BANK1: variants seen among roughly 807,000 people sequenced by gnomAD.
The protein encoded by BANK1 is B cell scaffold protein with ankyrin repeats 1.
Under a neutral mutation model 94.5 loss-of-function variants are expected in BANK1, and 95 were observed. That is an observed-to-expected ratio of 1.00 (90% CI 0.85 to 1.19). The LOEUF (loss-of-function observed/expected upper bound fraction) is 1.19, where lower values mean the gene tolerates loss of function less well. Among genes scored for constraint, BANK1 ranks in the 50% most tolerant of loss-of-function variants. The pLI, the probability that BANK1 is intolerant of heterozygous loss-of-function variation, is 0.00. For synonymous variants in BANK1, 334 were observed against 308.4 expected, an observed-to-expected ratio of 1.08 and a Z score of -0.87; for missense variants, 987 against 932.2, an observed-to-expected ratio of 1.06 and a Z score of -0.77.
chr4:101,807,830 C>G (rs1477697102), intron 1 of BANK1, among the ~76,000 whole-genome samples: 1 of 152,040 alleles, frequency 6.6e-6, no homozygotes, highest in African/African-American at 2.4e-5. Flanking sequence ...CCTGTAATCC[C>G]AGCAGTTTGG....
intron 5 of BANK1, among the ~76,000 whole-genome samples, chr4:101,883,586 G>A (rs1728750654): frequency 1.3e-5 from 2 of 152,048 alleles, no homozygotes; most frequent in African/African-American, 4.8e-5. Context: ...TGCTTCTTAT[G>A]TGGCCCTGTC....
At chr4:101,955,715 C>A (rs988174095) in intron 7 of BANK1, among the ~76,000 whole-genome samples, 1 of 152,040 alleles carries the variant, frequency 6.6e-6, no homozygotes. Flanking sequence ...TTGTAAAATT[C>A]TCCAAAAGTC....
chr4:102,002,551 A>G (rs1726113572), intron 7 of BANK1, among the ~76,000 whole-genome samples: 1 of 104,630 alleles, frequency 9.6e-6, no homozygotes, highest in Non-Finnish European at 1.9e-5. Context: ...AAATACACAC[A>G]CACACACACA....
intron 1 of BANK1, among the ~76,000 whole-genome samples, chr4:101,792,544 T>A (rs1725032403): frequency 6.6e-6 from 1 of 151,310 alleles, no homozygotes; most frequent in Non-Finnish European, 1.5e-5. Flanking sequence ...GGTCAATTGG[T>A]CCAACTGCCT....
chr4:101,818,778 G>C (rs1239511714), intron 1 of BANK1, among the ~76,000 whole-genome samples: 1 of 151,652 alleles, frequency 6.6e-6, no homozygotes, highest in Non-Finnish European at 1.5e-5. Context: ...TAGCAAAAAA[G>C]CTTAGTATAT....
chr4:102,040,879 A>G (rs1460582286), intron 10 of BANK1, among the ~76,000 whole-genome samples: 1 of 152,056 alleles, frequency 6.6e-6, no homozygotes, highest in Non-Finnish European at 1.5e-5. Context: ...TTGGCAAGAA[A>G]ATAAAGGCCA....
intron 7 of BANK1, among the ~76,000 whole-genome samples, chr4:102,007,069 T>A (rs1375503932): frequency 1.0e-5 from 1 of 97,368 alleles, no homozygotes; most frequent in African/African-American, 3.5e-5. Context: ...TATATAATTT[T>A]ATATATATAT....
chr4:102,058,648 G>A (rs1009822325), intron 11 of BANK1, among the ~76,000 whole-genome samples: 8 of 150,836 alleles, frequency 5.3e-5, no homozygotes, highest in Non-Finnish European at 1.2e-4. Context: ...TTTCTTTGCA[G>A]CTTCTCATGC....
chr4:102,066,728 A>C (rs921259035), intron 13 of BANK1, among the ~76,000 whole-genome samples: 12 of 152,244 alleles, frequency 7.9e-5, no homozygotes, highest in Non-Finnish European at 4.4e-5. Context: ...GATATTAACA[A>C]ACTCAGATTC....
In BANK1 at chr4:101,867,176, T is replaced by TA. The variant is rs754806525; in HGVS notation, c.764-3309dup. Among the ~76,000 whole-genome samples, 178 of 33,372 alleles carry TA rather than the reference T, an allele frequency of 5.3e-3. 21 individuals are homozygous for TA. Among genetic ancestry groups the TA allele is most frequent in the South Asian group, 7.4e-3 (10 of 1,350 alleles). The allele number at this position is 33,372 out of a possible 152,430, so 21.9% of individuals were successfully genotyped here. On this transcript the variant is annotated intron_variant, in intron 4 of 16. Coordinates refer to ENST00000322953, the MANE Select transcript of BANK1 (RefSeq NM_017935.5). ...AACTTAGAGTATAATAAAAAAAATTTAAAAAAAAAAAAAAAAAAAAGAATT... is the reference window on the plus strand; with the variant it reads ...AACTTAGAGTATAATAAAAAAAATTTAAAAAAAAAAAAAAAAAAAAAGAATT...
At chr4:101,800,655 GAGA>G (rs1481038072) in intron 1 of BANK1, among the ~76,000 whole-genome samples, 2 of 152,182 alleles carry the variant, frequency 1.3e-5, no homozygotes. Flanking sequence ...GTGAATCTAA[GAGA>G]CTGACTATTG....
chr4:101,965,319 T>C (rs1203513087), intron 7 of BANK1, among the ~76,000 whole-genome samples: 1 of 144,204 alleles, frequency 6.9e-6, no homozygotes, highest in Non-Finnish European at 1.5e-5. Context: ...GCAATATGTC[T>C]GCATTTATAA....
At chr4:102,013,304 T>G (rs1726571923) in intron 7 of BANK1, among the ~76,000 whole-genome samples, 1 of 152,158 alleles carries the variant, frequency 6.6e-6, no homozygotes, top group African/African-American at 2.4e-5. Flanking sequence ...GCTCCTGGAA[T>G]GAAACACCCT....
chr4:101,950,436 T>C (rs1372660405), intron 7 of BANK1, among the ~76,000 whole-genome samples: 3 of 152,110 alleles, frequency 2.0e-5, no homozygotes, highest in African/African-American at 7.2e-5. Flanking sequence ...ATGAATAAAA[T>C]TCTTGAGAAT....
chr4:102,044,612 C>T (rs553612243), intron 11 of BANK1, among the ~76,000 whole-genome samples: 1,227 of 119,592 alleles, frequency 0.01, 7 homozygotes, highest in Middle Eastern at 0.028. Flanking sequence ...GCCACACTGA[C>T]TTCCACAATG....
At chr4:101,809,792 AAGGCTTT>A (rs1268613833) in intron 1 of BANK1, among the ~76,000 whole-genome samples, 1 of 152,198 alleles carries the variant, frequency 6.6e-6, no homozygotes, top group Non-Finnish European at 1.5e-5. Context: ...TTTACTTCAA[AAGGCTTT>A]AGGAAAGGAA....
chr4:101,848,093 A>C (rs1034107079), intron 2 of BANK1, among the ~76,000 whole-genome samples: 1 of 152,144 alleles, frequency 6.6e-6, no homozygotes, highest in Non-Finnish European at 1.5e-5. Flanking sequence ...TCAGTCAGGG[A>C]AAGTTAGACA....
At chr4:101,841,777 C>T (rs1343292942) in intron 2 of BANK1, among the ~76,000 whole-genome samples, 1 of 102,852 alleles carries the variant, frequency 9.7e-6, no homozygotes, top group Non-Finnish European at 1.8e-5. Flanking sequence ...CCTCCCCCCT[C>T]CCCCCACCCC....
intron 3 of BANK1, among the ~76,000 whole-genome samples, chr4:101,855,887 A>G (rs984874207): frequency 8.5e-5 from 13 of 152,136 alleles, no homozygotes; most frequent in African/African-American, 2.9e-4. Flanking sequence ...CTGTGGGAAT[A>G]TATGTTCCTA....
Sources: allele counts gnomAD v4.1 joint callset (sites outside exome capture counted in the v4.1 genomes callset), GRCh38; gene constraint gnomAD v4.1.1; transcripts MANE v1.5; gene names NCBI Gene and HGNC (gene_info 2026-07-23, HGNC 2026-07-21).